STK3: variants seen among roughly 807,000 people sequenced by gnomAD.
The protein encoded by STK3 is serine/threonine kinase 3.
Under a neutral mutation model 58.0 loss-of-function variants are expected in STK3, and 41 were observed. The ratio of observed to expected loss-of-function variants is 0.71; its 90% CI spans 0.55 to 0.92. The LOEUF is 0.92. Ranked by LOEUF, STK3 falls within the 40% of genes least tolerant of loss-of-function variation. The probability of loss-of-function intolerance (pLI) is 0.00; values close to 1 mark genes in which losing one functional copy is unlikely to be tolerated. For synonymous variants in STK3, 170 were observed against 191.0 expected (o/e 0.89, Z 0.91); for missense variants, 479 against 602.7 (o/e 0.79, Z 2.15).
At chr8:98,830,855 A>G (rs1276236370) in intron 3 of STK3, among the ~76,000 whole-genome samples, 6 of 151,650 alleles carry the variant, frequency 4.0e-5, no homozygotes, top group Admixed American at 3.9e-4. Context: ...CTGTACTCCC[A>G]GCTACTCGGG....
At chr8:98,842,660 A>G (rs941568176) in intron 3 of STK3, among the ~76,000 whole-genome samples, 1 of 152,148 alleles carries the variant, frequency 6.6e-6, no homozygotes, top group African/African-American at 2.4e-5. Context: ...TCTGGGTAAC[A>G]GAGTGAGATC....
chr8:98,797,871 T>C (rs772805191), intron 1 of STK3, among the ~76,000 whole-genome samples: 7 of 152,066 alleles, frequency 4.6e-5, no homozygotes, highest in African/African-American at 7.3e-5. Flanking sequence ...GTTAAAGATA[T>C]TAGCAAAAGA....
Position 98,895,964 on chromosome 8 carries a change from G to A in STK3, c.-78-12130C>T, listed in dbSNP as rs538978551. Among the ~76,000 whole-genome samples the A allele has an allele frequency of 9.2e-5, 14 of 152,194 alleles. No homozygotes were observed. The South Asian group carries it at 1.5e-3, about 16-fold the overall frequency. On this transcript the variant is annotated intron_variant, in intron 1 of 1. Coordinates refer to the STK3 transcript ENST00000519420. ...AAGACAGGCATAATTCTCTACCCTC[G>A]TAAAATTTATAGCCTAGATGATAAA...
intron 8 of STK3, among the ~76,000 whole-genome samples, chr8:98,550,789 T>C (rs777911405): frequency 7.2e-5 from 11 of 152,232 alleles, no homozygotes; most frequent in African/African-American, 1.9e-4. Context: ...TCTCCAAAGA[T>C]TGATGATTAA....
At chr8:98,505,823 G>A (rs1332475550) in intron 10 of STK3, among the ~76,000 whole-genome samples, 1 of 152,154 alleles carries the variant, frequency 6.6e-6, no homozygotes, top group Non-Finnish European at 1.5e-5. Flanking sequence ...CCTACTGGGA[G>A]GTGTCTCCCA....
At chr8:98,389,816 G>C (rs1168723114), upstream of STK3, among the ~76,000 whole-genome samples, 2 of 151,402 alleles carry the variant, frequency 1.3e-5, no homozygotes, top group Non-Finnish European at 2.9e-5. Context: ...TTATGTGTTA[G>C]AGACAGGAAG....
At chr8:98,774,933 C>T (rs1253699253) in intron 1 of STK3, 114 bp from the exon 2 acceptor site, 5 of 639,028 alleles carry the variant, frequency 7.8e-6, no homozygotes, top group Non-Finnish European at 1.2e-5. Flanking sequence ...ATTCAGAAGA[C>T]TCAAACAATA....
chr8:98,423,839 T>G (rs1275897147), intron 3 of STK3, among the ~76,000 whole-genome samples: 5 of 152,168 alleles, frequency 3.3e-5, no homozygotes, highest in African/African-American at 1.2e-4. Context: ...TCATTGGCAG[T>G]GAAGGCAGAG....
intron 8 of STK3, 102 bp downstream of exon 8, chr8:98,579,562 T>C (rs1228044069): frequency 7.3e-7 from 1 of 1,376,014 alleles, no homozygotes; most frequent in East Asian, 2.4e-5. Context: ...AAACATATCT[T>C]ACTTGTATAG....
At chr8:98,897,414 A>T (rs1838493970) in intron 1 of STK3, among the ~76,000 whole-genome samples, 1 of 151,704 alleles carries the variant, frequency 6.6e-6, no homozygotes. Flanking sequence ...AAAAAAATTA[A>T]CCGGGCGTGG....
intron 3 of STK3, among the ~76,000 whole-genome samples, chr8:98,415,372 C>A (rs1818103832): frequency 6.6e-6 from 1 of 152,164 alleles, no homozygotes; most frequent in Non-Finnish European, 1.5e-5. Context: ...ATGACTGAGC[C>A]ACGATACTTT....
intron 2 of STK3, among the ~76,000 whole-genome samples, chr8:98,767,642 C>CTCAAACA (rs1831032723): frequency 1.3e-5 from 2 of 152,224 alleles, no homozygotes; most frequent in African/African-American, 2.4e-5. Context: ...GTTTGGTCAA[C>CTCAAACA]TCAAACAAAT....
intron 3 of STK3, among the ~76,000 whole-genome samples, chr8:98,873,285 T>C (rs1423864954): frequency 1.3e-5 from 2 of 152,174 alleles, no homozygotes; most frequent in Admixed American, 6.5e-5. Flanking sequence ...GGAATAAGTA[T>C]GATGTGGTGC....
chr8:98,421,018 G>C (rs901847493), intron 3 of STK3, among the ~76,000 whole-genome samples: 14 of 152,202 alleles, frequency 9.2e-5, no homozygotes, highest in African/African-American at 2.9e-4. Flanking sequence ...CATGGTGCGG[G>C]GCTGGCTCTT....
At chr8:98,467,970 T>C (rs1363409742) in intron 10 of STK3, among the ~76,000 whole-genome samples, 1 of 152,184 alleles carries the variant, frequency 6.6e-6, no homozygotes, top group Non-Finnish European at 1.5e-5. Flanking sequence ...TTCTTGAAAA[T>C]CTATAAAGTA....
At chr8:98,563,094 C>T (rs1217821189) in intron 8 of STK3, among the ~76,000 whole-genome samples, 1 of 150,460 alleles carries the variant, frequency 6.6e-6, no homozygotes, top group East Asian at 1.9e-4. Context: ...AGGTACTAAC[C>T]TAAGTAACTT....
intron 10 of STK3, among the ~76,000 whole-genome samples, chr8:98,526,252 G>A (rs1466809398): frequency 6.6e-6 from 1 of 151,938 alleles, no homozygotes; most frequent in Non-Finnish European, 1.5e-5. Flanking sequence ...AAGTTTATAT[G>A]CTCCTAGGTA....
chr8:98,903,605 G>T (rs1011463820), intron 1 of STK3, among the ~76,000 whole-genome samples: 2 of 145,796 alleles, frequency 1.4e-5, no homozygotes, highest in African/African-American at 5.1e-5. Context: ...AGGCTGGAGT[G>T]CAGTGACACA....
At chr8:98,367,744 C>A (rs909164407), downstream of STK3, among the ~76,000 whole-genome samples, 2 of 152,194 alleles carry the variant, frequency 1.3e-5, no homozygotes, top group Admixed American at 6.5e-5. Context: ...AAGAAGACAG[C>A]CTTTCGGGGC....
Sources: gnomAD v4.1 joint callset for allele counts (sites outside exome capture counted in the v4.1 genomes callset) on GRCh38, gnomAD v4.1.1 for gene constraint, MANE v1.5 for transcripts, NCBI Gene and HGNC (gene_info 2026-07-23, HGNC 2026-07-21) for gene names.